SEMA6D: variants seen among roughly 807,000 people sequenced by gnomAD.
The protein encoded by SEMA6D is semaphorin-6D.
A neutral mutation model predicts 106.6 loss-of-function variants in SEMA6D; 35 were observed. That is an observed-to-expected ratio of 0.33 (90% CI 0.25 to 0.44). SEMA6D has a LOEUF of 0.44. Among genes scored for constraint, SEMA6D ranks in the 20% least tolerant of loss-of-function variants. SEMA6D has a pLI of 1.00. For synonymous variants in SEMA6D, 499 were observed against 487.7 expected (o/e 1.02, Z -0.31); for missense variants, 1,185 against 1,345.9 (o/e 0.88, Z 1.87).
chr15:47,556,759 G>C (rs571246956), intron 3 of SEMA6D, among the ~76,000 whole-genome samples: 12 of 152,230 alleles, frequency 7.9e-5, no homozygotes, highest in African/African-American at 2.9e-4. Flanking sequence ...ACCATAACAT[G>C]GCTGGGGCTG....
intron 1 of SEMA6D, among the ~76,000 whole-genome samples, chr15:47,354,220 TATAC>T (rs1171147002): frequency 1.4e-5 from 2 of 140,822 alleles, no homozygotes; most frequent in Admixed American, 7.0e-5. Flanking sequence ...TATATATATA[TATAC>T]ACACATACAT....
At chr15:47,500,490 TA>T (rs1316717264) in intron 3 of SEMA6D, among the ~76,000 whole-genome samples, 4 of 152,166 alleles carry the variant, frequency 2.6e-5, no homozygotes, top group Non-Finnish European at 4.4e-5. Context: ...GAAATCATTT[TA>T]TATAAATTTA....
At chr15:47,723,947 T>C (rs1049947509) in intron 1 of SEMA6D, among the ~76,000 whole-genome samples, 1 of 152,228 alleles carries the variant, frequency 6.6e-6, no homozygotes, top group Non-Finnish European at 1.5e-5. Flanking sequence ...GCTGAGGAAC[T>C]GGCACATAAG....
intron 1 of SEMA6D, among the ~76,000 whole-genome samples, chr15:47,754,634 T>G (rs549462432): frequency 6.6e-6 from 1 of 152,346 alleles, no homozygotes; most frequent in South Asian, 2.1e-4. Flanking sequence ...TATTTAGAAC[T>G]TCTTAGAATT....
chr15:47,512,897 C>G (rs2044274801), intron 3 of SEMA6D, among the ~76,000 whole-genome samples: 1 of 152,126 alleles, frequency 6.6e-6, no homozygotes, highest in South Asian at 2.1e-4. Context: ...AGGGATTAGT[C>G]TATAGATGGG....
intron 1 of SEMA6D, among the ~76,000 whole-genome samples, chr15:47,402,463 G>A (rs1055073029): frequency 6.6e-5 from 10 of 152,304 alleles, no homozygotes; most frequent in East Asian, 1.9e-4. Context: ...TGTCACTCAC[G>A]TAACCACAAC....
chr15:47,743,245 T>C (rs2080923258), intron 1 of SEMA6D, among the ~76,000 whole-genome samples: 1 of 152,262 alleles, frequency 6.6e-6, no homozygotes, highest in Admixed American at 6.5e-5. Context: ...TGCTGCATAA[T>C]TTAATGCTTA....
chr15:47,566,801 G>GCC (rs1459765286), intron 3 of SEMA6D, among the ~76,000 whole-genome samples: 4 of 152,224 alleles, frequency 2.6e-5, no homozygotes, highest in Non-Finnish European at 5.9e-5. Context: ...TGCTTCCAGT[G>GCC]TCTGTCACGT....
chr15:47,262,979 A>G (rs1216842778), intron 1 of SEMA6D, among the ~76,000 whole-genome samples: 1 of 151,570 alleles, frequency 6.6e-6, no homozygotes, highest in African/African-American at 2.4e-5. Flanking sequence ...TGGTGCTGGG[A>G]TATCTAGCTA....
chr15:47,523,241 G>A (rs1483451667), intron 3 of SEMA6D, among the ~76,000 whole-genome samples: 1 of 152,122 alleles, frequency 6.6e-6, no homozygotes, highest in Non-Finnish European at 1.5e-5. Flanking sequence ...AAAGCACAGT[G>A]CTTACTTTCA....
chr15:47,213,615 T>A (rs756836021), intron 1 of SEMA6D, among the ~76,000 whole-genome samples: 3 of 152,230 alleles, frequency 2.0e-5, no homozygotes, highest in Non-Finnish European at 4.4e-5. Flanking sequence ...GGTTTTTGAT[T>A]TGAAAACTCT....
At chr15:47,742,434 C>A (rs2080875527) in intron 1 of SEMA6D, among the ~76,000 whole-genome samples, 1 of 152,094 alleles carries the variant, frequency 6.6e-6, no homozygotes. Flanking sequence ...TTCACACTGG[C>A]CTCCGTTCCC....
At chr15:47,494,352 G>A (rs1011206954) in intron 3 of SEMA6D, among the ~76,000 whole-genome samples, 11 of 152,032 alleles carry the variant, frequency 7.2e-5, no homozygotes, top group Admixed American at 2.0e-4. Flanking sequence ...CATGCAGAAA[G>A]TGAAAATGTG....
chr15:47,247,514 A>C (rs1245605702), intron 1 of SEMA6D, among the ~76,000 whole-genome samples: 1 of 152,230 alleles, frequency 6.6e-6, no homozygotes, highest in Non-Finnish European at 1.5e-5. Context: ...AAGTTTAAGA[A>C]AATATGATTT....
chr15:47,757,840 G>A (rs991568332), intron 1 of SEMA6D, among the ~76,000 whole-genome samples: 11 of 152,246 alleles, frequency 7.2e-5, no homozygotes, highest in African/African-American at 2.6e-4. Context: ...TAGGAAATGG[G>A]TAGAGAGGTC....
chr15:47,417,588 G>A (rs1331452350), intron 2 of SEMA6D, among the ~76,000 whole-genome samples: 1 of 152,054 alleles, frequency 6.6e-6, no homozygotes, highest in East Asian at 1.9e-4. Context: ...AGTAATTTTA[G>A]AATTGTTCAG....
chr15:47,365,670 G>A (rs564724737), intron 1 of SEMA6D, among the ~76,000 whole-genome samples: 2 of 152,004 alleles, frequency 1.3e-5, no homozygotes, highest in Admixed American at 6.6e-5. Flanking sequence ...AGACCAGCCT[G>A]GCCAACATGG....
intron 4 of SEMA6D, among the ~76,000 whole-genome samples, chr15:47,617,349 A>G (rs1297716857): frequency 6.6e-6 from 1 of 152,216 alleles, no homozygotes. Flanking sequence ...GACTACGAAA[A>G]GTAGTTGCTA....
At chr15:47,516,990 G>A (rs915033776) in intron 3 of SEMA6D, among the ~76,000 whole-genome samples, 1 of 152,204 alleles carries the variant, frequency 6.6e-6, no homozygotes, top group Non-Finnish European at 1.5e-5. Flanking sequence ...TTCCTTGAGT[G>A]CAGAGAGCTG....
Sources: gnomAD v4.1 joint callset for allele counts (sites outside exome capture counted in the v4.1 genomes callset) on GRCh38, gnomAD v4.1.1 for gene constraint, MANE v1.5 for transcripts, NCBI Gene and HGNC (gene_info 2026-07-23, HGNC 2026-07-21) for gene names.